The following JAK1 variants were observed in gnomAD, a reference collection of about 807,000 sequenced individuals.
The protein encoded by JAK1 is Janus kinase 1.
Under a neutral mutation model 136.6 loss-of-function variants are expected in JAK1, and 16 were observed. That is an observed-to-expected ratio of 0.12 (90% CI 0.08 to 0.18). The LOEUF (loss-of-function observed/expected upper bound fraction) is 0.18, where lower values mean the gene tolerates loss of function less well. Ranked by LOEUF, JAK1 falls within the 10% of genes least tolerant of loss-of-function variation. The pLI is 1.00. For synonymous variants in JAK1, 492 were observed against 519.5 expected (o/e 0.95, Z 0.72); for missense variants, 859 against 1,450.1 (o/e 0.59, Z 6.62).
At chr1:65,006,225 A>G (rs112905708) in intron 2 of JAK1, among the ~76,000 whole-genome samples, 3,008 of 152,342 alleles carry the variant, frequency 0.02, 34 homozygotes, top group Non-Finnish European at 0.032. Context: ...ATAGTTCACT[A>G]TGTCATAAAC....
At chr1:64,895,390 A>G (rs1222226311) in intron 1 of JAK1, among the ~76,000 whole-genome samples, 1 of 152,224 alleles carries the variant, frequency 6.6e-6, no homozygotes, top group African/African-American at 2.4e-5. Flanking sequence ...AGATTAACAG[A>G]CTACAGTTTG....
chr1:64,962,143 A>G (rs935667960), intron 1 of JAK1, among the ~76,000 whole-genome samples: 2 of 152,230 alleles, frequency 1.3e-5, no homozygotes, highest in African/African-American at 4.8e-5. Context: ...GTCTTCCACT[A>G]GACTGTAAAT....
chr1:65,052,800 C>A (rs1414518283), intron 1 of JAK1, among the ~76,000 whole-genome samples: 6 of 139,942 alleles, frequency 4.3e-5, no homozygotes, highest in Non-Finnish European at 7.6e-5. Context: ...GGCGACACTC[C>A]AGCCTGGGCA....
chr1:65,043,275 T>C (rs919153191), intron 2 of JAK1, among the ~76,000 whole-genome samples: 3 of 152,196 alleles, frequency 2.0e-5, no homozygotes, highest in Non-Finnish European at 4.4e-5. Flanking sequence ...GGTGAGGAGA[T>C]GGAGTCTCAG....
At chr1:64,962,875 C>G (rs977621965) in intron 1 of JAK1, among the ~76,000 whole-genome samples, 3 of 152,144 alleles carry the variant, frequency 2.0e-5, no homozygotes, top group African/African-American at 7.2e-5. Context: ...CTAGACCAGC[C>G]TGGCCAACAT....
intron 2 of JAK1, among the ~76,000 whole-genome samples, chr1:65,003,075 C>G (rs1459891323): frequency 6.8e-6 from 1 of 147,852 alleles, no homozygotes; most frequent in Non-Finnish European, 1.5e-5. Context: ...CCCGCTTCTT[C>G]CCTACTAGGA....
intron 24 of JAK1, among the ~76,000 whole-genome samples, chr1:64,834,885 T>C (rs1654373928): frequency 1.3e-5 from 2 of 152,188 alleles, no homozygotes; most frequent in African/African-American, 2.4e-5. Context: ...CTGGCTGCAA[T>C]AAAATCCAGG....
intron 2 of JAK1, among the ~76,000 whole-genome samples, chr1:65,029,234 C>A (rs1327316895): frequency 5.3e-5 from 8 of 152,110 alleles, no homozygotes; most frequent in Non-Finnish European, 8.8e-5. Context: ...GTAGCTGGGA[C>A]TACGGACATG....
intron 1 of JAK1, among the ~76,000 whole-genome samples, chr1:64,939,334 T>A (rs960292790): frequency 2.0e-5 from 3 of 152,200 alleles, no homozygotes; most frequent in Non-Finnish European, 4.4e-5. Context: ...AATGGCAGAT[T>A]ACCATGCATA....
At chr1:64,982,838 G>A (rs1646561561) in intron 2 of JAK1, among the ~76,000 whole-genome samples, 1 of 151,908 alleles carries the variant, frequency 6.6e-6, no homozygotes, top group South Asian at 2.1e-4. Flanking sequence ...ACATTAATAA[G>A]AGAAAATCCA....
At chr1:65,034,559 C>T (rs902373361) in intron 2 of JAK1, among the ~76,000 whole-genome samples, 4 of 152,140 alleles carry the variant, frequency 2.6e-5, no homozygotes, top group Admixed American at 2.0e-4. Context: ...AAAGGTACTA[C>T]AGGGTAGCTT....
In JAK1 at chr1:64,912,002, T is replaced by A. The variant is rs1014657070; in HGVS notation, c.-77-25661A>T. On this transcript the variant is annotated intron_variant, in intron 1 of 24. Transcript: ENST00000342505. ...CCTCTGTTTTCTGACCCCTATGTCA[T>A]CATCTGCCTTACATTAAATAGCAAA... Among the ~76,000 whole-genome samples the A allele has an allele frequency of 5.3e-5, 8 of 152,244 alleles. 1 individual carries two copies. Among genetic ancestry groups the A allele is most frequent in the African/African-American group, 1.9e-4 (8 of 41,462 alleles).
rs1295192654 is a variant in JAK1 at position 64,834,629 on chromosome 1, T to C, written c.3398A>G (p.Glu1133Gly). The change falls in exon 25 of 25, where the codon GAA becomes GGA. Residue 1133 changes from glutamate to glycine, a missense_variant. Physicochemically the swap from Glu to Gly is moderately conservative, Grantham distance 98 (BLOSUM62 -2). Coordinates refer to ENST00000342505, the MANE Select transcript of JAK1 (RefSeq NM_002227.4). ...EVYQLMRKCW[E>G]FQPSNRTSFQ... Reference sequence around the variant, plus strand: ...GCTTGTCCGATTGGATGGTTGGAATTCCCAGCATTTCCTCATAAGTTGATA... The same window carrying C: ...GCTTGTCCGATTGGATGGTTGGAATCCCCAGCATTTCCTCATAAGTTGATA... The C allele has an allele frequency of 6.2e-7, 1 of 1,611,886 alleles. No individual in the cohort carries two copies. Among genetic ancestry groups the C allele is most frequent in the Admixed American group, 1.7e-5 (1 of 60,014 alleles).
chr1:64,845,270 C>T (rs1362654863), intron 15 of JAK1, among the ~76,000 whole-genome samples: 1 of 152,172 alleles, frequency 6.6e-6, no homozygotes, highest in Non-Finnish European at 1.5e-5. Flanking sequence ...CTGCAGTATG[C>T]AAGTCGGCCC....
At chr1:64,886,987 G>A (rs1644862534) in intron 1 of JAK1, among the ~76,000 whole-genome samples, 1 of 152,200 alleles carries the variant, frequency 6.6e-6, no homozygotes, top group Non-Finnish European at 1.5e-5. Context: ...TTTAGGAAGA[G>A]CATAGTCCCA....
intron 2 of JAK1, among the ~76,000 whole-genome samples, chr1:65,031,937 G>A (rs1224480106): frequency 6.6e-6 from 1 of 151,318 alleles, no homozygotes; most frequent in Non-Finnish European, 1.5e-5. Context: ...CCTAGGGGCT[G>A]GAAAAACACA....
At chr1:64,911,676 G>T (rs957100970) in intron 1 of JAK1, among the ~76,000 whole-genome samples, 1 of 152,198 alleles carries the variant, frequency 6.6e-6, no homozygotes, top group Admixed American at 6.5e-5. Flanking sequence ...TCCATGATAT[G>T]CACCTAGCTA....
At chr1:64,993,269 C>G (rs1646674611) in intron 2 of JAK1, 1 of 152,172 alleles carries the variant, frequency 6.6e-6, no homozygotes, top group South Asian at 2.1e-4. Context: ...AGAGTTGGGG[C>G]ACTGGTGTCC....
intron 1 of JAK1, among the ~76,000 whole-genome samples, chr1:65,052,346 TAACTCGTTC>T (rs984680718): frequency 5.3e-5 from 8 of 152,074 alleles, no homozygotes; most frequent in African/African-American, 7.2e-5. Context: ...CTCCCTTACC[TAACTCGTTC>T]ATGCTTCATG....
Sources: allele counts gnomAD v4.1 joint callset (sites outside exome capture counted in the v4.1 genomes callset), GRCh38; gene constraint gnomAD v4.1.1; transcripts MANE v1.5; gene names NCBI Gene and HGNC (gene_info 2026-07-23, HGNC 2026-07-21).